The following PRKCG variants were observed in gnomAD, a reference collection of about 807,000 sequenced individuals.
The protein encoded by PRKCG is protein kinase C gamma.
Under a neutral mutation model 82.0 loss-of-function variants are expected in PRKCG, and 28 were observed. That is an observed-to-expected ratio of 0.34 (90% CI 0.25 to 0.47). The LOEUF (loss-of-function observed/expected upper bound fraction) is 0.47. Among genes scored for constraint, PRKCG ranks in the 20% least tolerant of loss-of-function variants. PRKCG has a pLI of 1.00. For missense variants in PRKCG, 640 were observed against 952.7 expected, an observed-to-expected ratio of 0.67 and a Z score of 4.32; for synonymous variants, 383 against 376.6, an observed-to-expected ratio of 1.02 and a Z score of -0.20.
Position 53,900,931 on chromosome 19 carries a change from G to T in PRKCG, c.1575+182G>T, listed in dbSNP as rs933523628. Among the ~76,000 whole-genome samples, 1 of 152,232 alleles carries T rather than the reference G, an allele frequency of 6.6e-6. No homozygotes were observed. Among genetic ancestry groups the T allele is most frequent in the Non-Finnish European group, 1.5e-5 (1 of 68,032 alleles). On this transcript the variant is annotated intron_variant, in intron 14 of 17. Transcript: ENST00000263431. The surrounding 1 kb of genome is among the most constrained non-coding windows in gnomAD (Gnocchi z 4.2). Reference sequence around the variant, plus strand: ...GTGAGCTTGGCACTGAGCCTGCCAGGTGGGCCCAGCTGGGTCTCTAAATAG... The same window carrying T: ...GTGAGCTTGGCACTGAGCCTGCCAGTTGGGCCCAGCTGGGTCTCTAAATAG...
chr19:53,894,137 C>T (rs1034058431), intron 9 of PRKCG, among the ~76,000 whole-genome samples: 2 of 152,026 alleles, frequency 1.3e-5, no homozygotes, highest in Non-Finnish European at 2.9e-5. Flanking sequence ...GCGATCTCGG[C>T]TCACTGCAAG....
intron 3 of PRKCG, among the ~76,000 whole-genome samples, chr19:53,885,665 A>G (rs2068626102): frequency 6.6e-6 from 1 of 152,140 alleles, no homozygotes; most frequent in Admixed American, 6.6e-5. Flanking sequence ...AAGATCGGAG[A>G]CAGTTTTATG....
Position 53,882,596 on chromosome 19 carries a change from G to C in PRKCG, c.102G>C (p.Lys34Asn). 2.5e-6 allele frequency: 4 copies of C among 1,614,026 alleles called. No homozygotes were observed. The highest frequency in any genetic ancestry group is 3.4e-6 in the Non-Finnish European group (4 of 1,179,998). The change falls in exon 1 of 18, where the codon AAG becomes AAC. Residue 34 changes from lysine to asparagine, a missense_variant. By Grantham distance (94) the Lys-to-Asn change is moderately conservative. Coordinates refer to ENST00000263431, the MANE Select transcript of PRKCG (RefSeq NM_002739.5). The surrounding 1 kb of genome is among the most constrained non-coding windows in gnomAD (Gnocchi z 6.1). Reference sequence around the variant, plus strand: ...GGCAGAAGGTGGTCCACGAAGTCAAGAGCCACAAGTTCACCGCTCGCTTCT... The same window carrying C: ...GGCAGAAGGTGGTCCACGAAGTCAACAGCCACAAGTTCACCGCTCGCTTCT... ...ALRQKVVHEV[K>N]SHKFTARFFK... is the part of the protein sequence containing the mutation.
intron 11 of PRKCG, 85 bp downstream of exon 11, chr19:53,898,713 C>G: frequency 7.5e-7 from 1 of 1,325,830 alleles, no homozygotes; most frequent in Non-Finnish European, 1.0e-6. Context: ...GAGTTTAGGG[C>G]GAGGCAAGAG....
In PRKCG at chr19:53,904,544, G is replaced by A. The variant is rs960635259; in HGVS notation, c.1657-91G>A. 4.5e-6 allele frequency: 5 copies of A among 1,105,430 alleles called. No homozygotes were observed. In the Admixed American group the frequency reaches 7.9e-5, roughly 18 times the overall value. 68.5% of individuals were successfully genotyped at this position (1,105,430 alleles called of 1,614,324 possible). On this transcript the variant is annotated intron_variant, in intron 15 of 17. Transcript: ENST00000263431. ...GCATGTGGGGCGTGTGATGGGTCAG[G>A]CATGTTCCCGGTGGGGTGAGGAGGG...
Position 53,906,041 on chromosome 19 carries a change from CCCTCCTCCT to C in PRKCG, c.1765-239_1765-231del, listed in dbSNP as rs1207027776. Among the ~76,000 whole-genome samples, 121 of 32,904 alleles carry C rather than the reference CCCTCCTCCT, an allele frequency of 3.7e-3. 2 individuals are homozygous for C. Among genetic ancestry groups the C allele is most frequent in the Middle Eastern group, 0.026 (1 of 38 alleles). 21.6% of individuals were successfully genotyped at this position (32,904 alleles called of 152,430 possible). A position where few individuals can be genotyped will look rare whatever the true frequency, so the allele number is the denominator to read the frequency against. Reference sequence around the variant, plus strand: ...TGTCTGTCTCCCTCCTCCTCCTCCTCCCTCCTCCTCCTCCTCCTCCTCCTCCTCCTCCTC... The same window carrying C: ...TGTCTGTCTCCCTCCTCCTCCTCCTCCCTCCTCCTCCTCCTCCTCCTCCTC... On this transcript the variant is annotated intron_variant, in intron 16 of 17. Coordinates refer to ENST00000263431, the MANE Select transcript of PRKCG (RefSeq NM_002739.5).
chr19:53,906,446 A>G lies in PRKCG; in HGVS notation c.1894A>G (p.Arg632Gly). 6.3e-7 allele frequency: 1 copy of G among 1,576,014 alleles called. No individual in the cohort carries two copies. Among genetic ancestry groups the G allele is most frequent in the Non-Finnish European group, 8.6e-7 (1 of 1,160,192 alleles). Reference sequence around the variant, plus strand: ...ACGATTGGAGATCCCGCCTCCTTTCAGACCCCGCCCGGTCAGTCACCCTCC... The same window carrying G: ...ACGATTGGAGATCCCGCCTCCTTTCGGACCCCGCCCGGTCAGTCACCCTCC... ...LERLEIPPPF[R>G]PRPCGRSGEN... Residue 632 changes from arginine (R) to glycine (G), a missense_variant, in exon 17 of 18, where the codon AGA (arginine) becomes GGA (glycine). Transcript: ENST00000263431.
At chr19:53,881,397 G>A (rs948176893), upstream of PRKCG, among the ~76,000 whole-genome samples, 6 of 151,822 alleles carry the variant, frequency 4.0e-5, no homozygotes, top group East Asian at 1.2e-3. Flanking sequence ...GAGGGAGGGG[G>A]AGACAGAGTC....
At chr19:53,890,214 C>T (rs1004850498) in intron 5 of PRKCG, among the ~76,000 whole-genome samples, 197 bp downstream of exon 5, 10 of 152,176 alleles carry the variant, frequency 6.6e-5, no homozygotes, top group Non-Finnish European at 1.0e-4. Context: ...GCCCCGCCTC[C>T]AACCTGGCTT....
intron 16 of PRKCG, 46 bp from the exon 17 acceptor site, chr19:53,906,271 G>T: frequency 6.5e-7 from 1 of 1,549,314 alleles, no homozygotes; most frequent in East Asian, 2.4e-5. Flanking sequence ...TACCTGTCCG[G>T]CACTCTGTCT....
At chr19:53,901,975 G>A (rs1019557154) in intron 14 of PRKCG, among the ~76,000 whole-genome samples, 1 of 151,738 alleles carries the variant, frequency 6.6e-6, no homozygotes, top group Non-Finnish European at 1.5e-5. Context: ...AAAGGGGTGG[G>A]GCTGATGTTC....
At chr19:53,902,993 C>G in intron 14 of PRKCG, 80 bp from the exon 15 acceptor site, 2 of 961,768 alleles carry the variant, frequency 2.1e-6, no homozygotes, top group Non-Finnish European at 3.4e-6. Context: ...ACGTGGGTAG[C>G]GCTCCCAGGG....
chr19:53,885,847 C>G (rs914300356), intron 3 of PRKCG, among the ~76,000 whole-genome samples: 1 of 151,976 alleles, frequency 6.6e-6, no homozygotes, highest in African/African-American at 2.4e-5. Flanking sequence ...TGACCCCCCT[C>G]GTCCACTCAC....
intron 15 of PRKCG, 102 bp downstream of exon 15, chr19:53,903,255 C>A (rs951004592): frequency 3.4e-6 from 3 of 882,594 alleles, no homozygotes; most frequent in South Asian, 2.6e-5. Flanking sequence ...AGGTTGTGCT[C>A]GAATAGCGCT....
In PRKCG at chr19:53,893,123, G is replaced by A. The variant is rs759933408; in HGVS notation, c.909+48G>A. ...AAGGGAGCCCAGCCCAGCCTCCCAC[G>A]GTTCAGAGCTGGCCTTTCCTTCCAC... On this transcript the variant is annotated intron_variant, in intron 8 of 17. Coordinates refer to ENST00000263431, the MANE Select transcript of PRKCG (RefSeq NM_002739.5). 7 of 1,555,120 alleles carry A rather than the reference G, an allele frequency of 4.5e-6. No individual in the cohort carries two copies. The Admixed American group carries it at 7.0e-5, about 15-fold the overall frequency.
chr19:53,891,562 A>T, intron 5 of PRKCG, 112 bp from the exon 6 acceptor site: 1 of 1,380,588 alleles, frequency 7.2e-7, no homozygotes, highest in East Asian at 2.3e-5. Context: ...GATTACAGGC[A>T]TGAGCCGCCG....
At chr19:53,882,163 G>A, upstream of PRKCG, 2 of 357,926 alleles carry the variant, frequency 5.6e-6, no homozygotes, top group South Asian at 4.7e-5. The surrounding 1 kb of genome is among the most constrained non-coding windows in gnomAD (Gnocchi z 6.1). Flanking sequence ...CCTCTCGGTC[G>A]TCCTGGCAAC....
chr19:53,886,762 G>T (rs1464631004), intron 3 of PRKCG, among the ~76,000 whole-genome samples: 1 of 152,136 alleles, frequency 6.6e-6, no homozygotes, highest in African/African-American at 2.4e-5. Context: ...AGCTTATTTG[G>T]TTATTTTTCC....
intron 10 of PRKCG, 94 bp downstream of exon 10, chr19:53,898,205 G>T: frequency 6.6e-7 from 1 of 1,524,528 alleles, no homozygotes; most frequent in Admixed American, 1.9e-5. Flanking sequence ...GGAAGAGACT[G>T]GGCTCCTGCA....
Sources: gnomAD v4.1 joint callset for allele counts (sites outside exome capture counted in the v4.1 genomes callset) on GRCh38, gnomAD v4.1.1 for gene constraint, Gnocchi (gnomAD v3.1) non-coding constraint, MANE v1.5 for transcripts, NCBI Gene and HGNC (gene_info 2026-07-23, HGNC 2026-07-21) for gene names.